The following PTPRT variants were observed in gnomAD, a reference collection of about 807,000 sequenced individuals.
The protein encoded by PTPRT is receptor-type tyrosine-protein phosphatase T.
A neutral mutation model predicts 176.8 loss-of-function variants in PTPRT; 56 were observed. The observed-to-expected ratio is 0.32, with a 90% CI of 0.26 to 0.40. PTPRT has a LOEUF of 0.40. PTPRT is among the 10% of genes least tolerant of loss of function. PTPRT has a pLI of 1.00. For missense variants in PTPRT, 1,540 were observed against 1,908.2 expected (o/e 0.81, Z 3.60); for synonymous variants, 783 against 739.0 (o/e 1.06, Z -0.96).
At chr20:43,182,898 C>T (rs960390850) in intron 1 of PTPRT, among the ~76,000 whole-genome samples, 4 of 152,146 alleles carry the variant, frequency 2.6e-5, no homozygotes, top group Non-Finnish European at 5.9e-5. Flanking sequence ...GGCACTTCTA[C>T]TCTTCTGTTA....
chr20:42,674,118 C>T (rs138923824), intron 7 of PTPRT, among the ~76,000 whole-genome samples: 55 of 152,252 alleles, frequency 3.6e-4, no homozygotes, highest in Admixed American at 6.5e-4. Context: ...CACCAATAAA[C>T]ACCACCTACA....
intron 7 of PTPRT, among the ~76,000 whole-genome samples, chr20:42,475,481 A>G (rs989608155): frequency 6.6e-6 from 1 of 152,216 alleles, no homozygotes; most frequent in Non-Finnish European, 1.5e-5. Context: ...CAGCCAAGAT[A>G]TGAGGTCTGC....
chr20:43,182,719 A>G (rs1457386409), intron 1 of PTPRT, among the ~76,000 whole-genome samples: 1 of 152,156 alleles, frequency 6.6e-6, no homozygotes, highest in Non-Finnish European at 1.5e-5. Context: ...TTTTAAGAGC[A>G]GCGCTTGAAC....
intron 8 of PTPRT, among the ~76,000 whole-genome samples, chr20:42,460,350 G>A (rs950351303): frequency 9.9e-5 from 15 of 152,232 alleles, no homozygotes; most frequent in Admixed American, 7.2e-4. Context: ...GAACACTGCC[G>A]CACCCATTTG....
intron 1 of PTPRT, among the ~76,000 whole-genome samples, chr20:43,073,872 C>A (rs140110758): frequency 6.6e-6 from 1 of 152,128 alleles, no homozygotes; most frequent in East Asian, 1.9e-4. Context: ...CCACCTCAGC[C>A]TCCCAGTAGC....
intron 1 of PTPRT, among the ~76,000 whole-genome samples, chr20:42,961,441 G>T (rs1327847692): frequency 1.3e-5 from 2 of 152,230 alleles, no homozygotes; most frequent in Non-Finnish European, 2.9e-5. Flanking sequence ...AAAATAGGAA[G>T]TAAGTCCTTA....
rs370526586 is a variant in PTPRT at position 42,199,316 on chromosome 20, G to T, written c.2415C>A (p.Asp805Glu). The change falls in exon 16 of 31, where the codon GAC (aspartate) becomes GAA (glutamate). Residue 805 changes from aspartate (D) to glutamate (E), a missense_variant. Around this residue, in one of 11 missense-constraint regions of PTPRT, gnomAD observed 255 missense variants for 250.1 expected, o/e 1.02. Transcript: ENST00000373187. ...TGGCGCTGAGCTTGGTGGTGGGTTTGTCGGCAGAGGCCACAGGCCCCATCT... is the reference window on the plus strand; with the variant it reads ...TGGCGCTGAGCTTGGTGGTGGGTTTTTCGGCAGAGGCCACAGGCCCCATCT... ...QREMGPVASA[D>E]KPTTKLSASR... 1.2e-4 allele frequency: 187 copies of T among 1,614,050 alleles called. No individual in the cohort carries two copies. Among genetic ancestry groups the T allele is most frequent in the Middle Eastern group, 1.6e-4 (1 of 6,082 alleles).
chr20:42,108,851 A>AGAT (rs1474510446), intron 23 of PTPRT, among the ~76,000 whole-genome samples: 6 of 152,234 alleles, frequency 3.9e-5, no homozygotes, highest in Admixed American at 2.0e-4. Flanking sequence ...CACTCTGCTC[A>AGAT]GATGCATTAA....
At chr20:42,258,515 T>G (rs1274531840) in intron 13 of PTPRT, among the ~76,000 whole-genome samples, 3 of 152,224 alleles carry the variant, frequency 2.0e-5, no homozygotes, top group Admixed American at 1.3e-4. Context: ...CCATCCCATA[T>G]AATTCCATAG....
At chr20:43,076,918 C>T (rs1413183745) in intron 1 of PTPRT, among the ~76,000 whole-genome samples, 1 of 152,192 alleles carries the variant, frequency 6.6e-6, no homozygotes, top group Non-Finnish European at 1.5e-5. Context: ...TTCCAACCAG[C>T]TCCCAATGGG....
intron 5 of PTPRT, among the ~76,000 whole-genome samples, chr20:42,758,718 G>T (rs747084476): frequency 1.2e-4 from 19 of 152,198 alleles, no homozygotes; most frequent in Non-Finnish European, 2.5e-4. Context: ...GTACACATCA[G>T]AGCAACATGC....
intron 16 of PTPRT, among the ~76,000 whole-genome samples, chr20:42,197,850 C>A (rs955904878): frequency 1.3e-5 from 2 of 152,120 alleles, no homozygotes; most frequent in Non-Finnish European, 2.9e-5. Flanking sequence ...ATTCATTTTG[C>A]TGTCTTCTCA....
At chr20:42,205,205 A>G (rs1170284264) in intron 15 of PTPRT, among the ~76,000 whole-genome samples, 1 of 152,070 alleles carries the variant, frequency 6.6e-6, no homozygotes, top group Non-Finnish European at 1.5e-5. Context: ...CTCTTTTGGA[A>G]GCACCTAACG....
intron 6 of PTPRT, among the ~76,000 whole-genome samples, chr20:42,728,847 A>G (rs1210998821): frequency 6.6e-6 from 1 of 152,160 alleles, no homozygotes; most frequent in African/African-American, 2.4e-5. Flanking sequence ...AAATCATCTC[A>G]TTTAACTTCA....
chr20:42,578,013 C>T (rs190448332), intron 7 of PTPRT, among the ~76,000 whole-genome samples: 4 of 151,230 alleles, frequency 2.6e-5, no homozygotes, highest in Admixed American at 1.3e-4. Context: ...GGAGGTGGGA[C>T]GCTAGCAAAC....
intron 12 of PTPRT, among the ~76,000 whole-genome samples, chr20:42,303,643 G>T (rs2057502750): frequency 6.6e-6 from 1 of 152,146 alleles, no homozygotes; most frequent in African/African-American, 2.4e-5. Context: ...TACATATAGT[G>T]CCAATTTACA....
chr20:42,881,382 C>A (rs534600903), intron 2 of PTPRT, among the ~76,000 whole-genome samples: 1 of 152,122 alleles, frequency 6.6e-6, no homozygotes, highest in Non-Finnish European at 1.5e-5. Context: ...TTTAGACAGA[C>A]GGATAAGGGA....
intron 7 of PTPRT, among the ~76,000 whole-genome samples, chr20:42,632,817 A>G (rs533491910): frequency 6.6e-6 from 1 of 152,166 alleles, no homozygotes; most frequent in African/African-American, 2.4e-5. Context: ...GACCCCTGAC[A>G]TAGGGCTAGC....
intron 7 of PTPRT, among the ~76,000 whole-genome samples, chr20:42,664,828 C>G (rs191692981): frequency 2.2e-4 from 34 of 152,084 alleles, no homozygotes; most frequent in Middle Eastern, 6.8e-3. Flanking sequence ...ACAAACCTGA[C>G]AAAAACAAGA....
Sources: allele counts gnomAD v4.1 joint callset (sites outside exome capture counted in the v4.1 genomes callset), GRCh38; gene constraint gnomAD v4.1.1; regional missense constraint gnomAD v4.1.1; transcripts MANE v1.5; gene names NCBI Gene and HGNC (gene_info 2026-07-23, HGNC 2026-07-21).